RABGAP1: variants seen among roughly 807,000 people sequenced by gnomAD.
The protein encoded by RABGAP1 is rab GTPase-activating protein 1.
In RABGAP1, 23 loss-of-function variants were observed where a neutral mutation model predicts 137.6. The ratio of observed to expected loss-of-function variants is 0.17; its 90% CI spans 0.12 to 0.24. The LOEUF is 0.24. RABGAP1 is among the 10% of genes least tolerant of loss of function. The pLI is 1.00. For missense variants in RABGAP1, 906 were observed against 1,275.8 expected (o/e 0.71, Z 4.42); for synonymous variants, 451 against 450.7 (o/e 1.00, Z -0.01).
intron 11 of RABGAP1, among the ~76,000 whole-genome samples, chr9:123,012,307 C>G (rs573426501): frequency 1.6e-4 from 24 of 152,182 alleles, no homozygotes; most frequent in Non-Finnish European, 3.2e-4. Flanking sequence ...TAGGTCAACA[C>G]TGGTTAAGAT....
At chr9:123,028,911 C>G (rs1200490489) in intron 13 of RABGAP1, among the ~76,000 whole-genome samples, 1 of 152,086 alleles carries the variant, frequency 6.6e-6, no homozygotes, top group African/African-American at 2.4e-5. Flanking sequence ...TGTGAAAATT[C>G]TTAGTATAAT....
chr9:123,051,357 C>A (rs2033462186), intron 13 of RABGAP1, among the ~76,000 whole-genome samples: 1 of 149,802 alleles, frequency 6.7e-6, no homozygotes, highest in Non-Finnish European at 1.5e-5. Context: ...AAGGGCTTCT[C>A]CTGCCTCAGC....
At chr9:122,932,100 C>G in the RABGAP1 span, among the ~76,000 whole-genome samples, 8 of 152,170 alleles carry the variant, frequency 5.3e-5, no homozygotes, top group Non-Finnish European at 1.0e-4. Context: ...TGTGAAAGTA[C>G]CTTTTAATGA....
intron 19 of RABGAP1, among the ~76,000 whole-genome samples, chr9:123,082,070 A>T (rs554983953): frequency 4.2e-5 from 6 of 144,392 alleles, no homozygotes; most frequent in Admixed American, 6.9e-5. Context: ...GCCCTTGGAA[A>T]TTTTTTTTTT....
At chr9:122,986,098 G>T (rs1262711669) in intron 3 of RABGAP1, 117 bp from the exon 4 acceptor site, 3 of 883,910 alleles carry the variant, frequency 3.4e-6, no homozygotes, top group South Asian at 1.7e-5. Context: ...ATGGCATATT[G>T]TCTCATTAAT....
chr9:123,078,455 A>G (rs1234904226), intron 19 of RABGAP1, among the ~76,000 whole-genome samples: 1 of 152,142 alleles, frequency 6.6e-6, no homozygotes, highest in Non-Finnish European at 1.5e-5. Flanking sequence ...GTAGTTAGTA[A>G]GGGTCCAAGA....
At chr9:122,969,875 T>C (rs76835435) in intron 2 of RABGAP1, among the ~76,000 whole-genome samples, 253 of 152,240 alleles carry the variant, frequency 1.7e-3, no homozygotes, top group African/African-American at 5.7e-3. Flanking sequence ...CAACATGACA[T>C]TTAATAAATT....
rs2032719567 is a variant in RABGAP1, at chr9:123,037,378, T to C, written c.1794+16919T>C. ...TTCTGGGTTTTTCCCAAAACCTTGC[T>C]TGCTCTTTATGTTTAGTGTTAGCAA... is the stretch of plus-strand genomic sequence containing the variant. On this transcript the variant is annotated intron_variant, in intron 13 of 25. Transcript: ENST00000373647. Among the ~76,000 whole-genome samples the C allele has an allele frequency of 2.0e-5, 3 of 152,234 alleles. No individual in the cohort carries two copies. In the South Asian group the frequency reaches 6.2e-4, roughly 31 times the overall value.
At chr9:123,032,477 C>T (rs2032356983) in intron 13 of RABGAP1, among the ~76,000 whole-genome samples, 1 of 152,182 alleles carries the variant, frequency 6.6e-6, no homozygotes, top group Admixed American at 6.5e-5. Context: ...GCTATGGCCG[C>T]GTCTGGGACT....
intron 1 of RABGAP1, among the ~76,000 whole-genome samples, chr9:122,947,856 A>G (rs1834022819): frequency 6.6e-6 from 1 of 152,240 alleles, no homozygotes; most frequent in African/African-American, 2.4e-5. Flanking sequence ...CTCAAAATTC[A>G]GAGTCAGAAT....
chr9:123,009,851 T>C (rs1002404440), intron 10 of RABGAP1, among the ~76,000 whole-genome samples: 1 of 152,202 alleles, frequency 6.6e-6, no homozygotes, highest in Non-Finnish European at 1.5e-5. Flanking sequence ...CTACACTGTT[T>C]TAAGCAAAAG....
chr9:123,032,377 T>C (rs2032350540), intron 13 of RABGAP1, among the ~76,000 whole-genome samples: 1 of 152,236 alleles, frequency 6.6e-6, no homozygotes, highest in African/African-American at 2.4e-5. Context: ...ATTGGTCTTT[T>C]TACTGTGCCA....
intron 12 of RABGAP1, among the ~76,000 whole-genome samples, chr9:123,019,462 A>G (rs552230410): frequency 2.0e-5 from 3 of 151,636 alleles, no homozygotes; most frequent in South Asian, 2.1e-4. Flanking sequence ...AGCTAGGAAT[A>G]TAACCATCAT....
chr9:122,938,253 T>C (rs1411976095), upstream of RABGAP1: 1 of 150,988 alleles, frequency 6.6e-6, no homozygotes, highest in African/African-American at 2.4e-5. Context: ...ACTAGAGTGA[T>C]CTTTAAAAAA....
intron 13 of RABGAP1, among the ~76,000 whole-genome samples, chr9:123,022,926 G>A (rs1329066667): frequency 6.6e-6 from 1 of 152,104 alleles, no homozygotes; most frequent in African/African-American, 2.4e-5. Flanking sequence ...TGTTTTTGGG[G>A]GGAGTAAGGT....
intron 6 of RABGAP1, among the ~76,000 whole-genome samples, chr9:122,993,827 C>G (rs1836873597): frequency 1.3e-5 from 2 of 151,948 alleles, no homozygotes; most frequent in African/African-American, 2.4e-5. Context: ...CCACGCCCGG[C>G]TAATTTTTGT....
chr9:123,035,087 A>G (rs747676986), intron 13 of RABGAP1: 4 of 1,614,118 alleles, frequency 2.5e-6, no homozygotes, highest in South Asian at 2.2e-5. Flanking sequence ...CCTGGATATC[A>G]TGGAGATGTG....
At chr9:123,025,543 C>CTTTTCTTT (rs1554719836) in intron 13 of RABGAP1, among the ~76,000 whole-genome samples, 1 of 75,014 alleles carries the variant, frequency 1.3e-5, no homozygotes, top group African/African-American at 4.5e-5. Flanking sequence ...TCTTTCTTTT[C>CTTTTCTTT]TTTTTTTTTT....
At chr9:122,949,113 C>T (rs1463968139) in intron 1 of RABGAP1, among the ~76,000 whole-genome samples, 7 of 152,182 alleles carry the variant, frequency 4.6e-5, no homozygotes, top group African/African-American at 1.4e-4. Context: ...CGGTGGCTCA[C>T]GCTTGTAATC....
Sources: gnomAD v4.1 joint callset for allele counts (sites outside exome capture counted in the v4.1 genomes callset) on GRCh38, gnomAD v4.1.1 for gene constraint, MANE v1.5 for transcripts, NCBI Gene and HGNC (gene_info 2026-07-23, HGNC 2026-07-21) for gene names.